Variants in PSD3 observed in about 807,000 individuals in gnomAD.
PSD3 encodes PH and SEC7 domain-containing protein 3.
PSD3 carries 49 observed loss-of-function variants against 105.5 expected under a neutral mutation model. The ratio of observed to expected loss-of-function variants is 0.46; its 90% CI spans 0.37 to 0.59. The LOEUF (loss-of-function observed/expected upper bound fraction) is 0.59. PSD3 is among the 20% of genes least tolerant of loss of function. PSD3 has a pLI of 0.00. For missense variants in PSD3, 1,561 were observed against 1,263.8 expected, an observed-to-expected ratio of 1.24 and a Z score of -3.57; for synonymous variants, 557 against 457.8, an observed-to-expected ratio of 1.22 and a Z score of -2.77.
At chr8:18,778,626 T>C (rs1808315633) in intron 8 of PSD3, among the ~76,000 whole-genome samples, 2 of 149,906 alleles carry the variant, frequency 1.3e-5, no homozygotes, top group African/African-American at 4.9e-5. Flanking sequence ...GTTCTTTCTA[T>C]GTCTAATTTA....
chr8:18,825,920 C>G (rs1033483973), intron 4 of PSD3, among the ~76,000 whole-genome samples: 5 of 152,156 alleles, frequency 3.3e-5, no homozygotes, highest in African/African-American at 1.2e-4. Context: ...GACTGGGCCA[C>G]AGGATATCTA....
At chr8:18,902,064 TG>T (rs1330995080) in intron 2 of PSD3, among the ~76,000 whole-genome samples, 5 of 152,244 alleles carry the variant, frequency 3.3e-5, no homozygotes, top group African/African-American at 1.2e-4. Context: ...TGGAGACTTT[TG>T]AGATTCCTGG....
chr8:18,726,804 C>T (rs919977273), intron 9 of PSD3, among the ~76,000 whole-genome samples: 2 of 152,198 alleles, frequency 1.3e-5, no homozygotes, highest in Non-Finnish European at 2.9e-5. Context: ...AACCACGCTT[C>T]GGGGCTCTAA....
chr8:18,784,827 A>T (rs2129445635), intron 8 of PSD3, among the ~76,000 whole-genome samples: 1 of 152,254 alleles, frequency 6.6e-6, no homozygotes, highest in South Asian at 2.1e-4. Flanking sequence ...AAAGCTCTCC[A>T]AACCCCATAC....
intron 2 of PSD3, among the ~76,000 whole-genome samples, chr8:18,877,555 T>C (rs1169613782): frequency 1.5e-5 from 2 of 130,628 alleles, no homozygotes; most frequent in Non-Finnish European, 3.2e-5. Flanking sequence ...TTTTTTTTTT[T>C]CTTTTTGACA....
rs544312153 is a variant in PSD3, at chr8:18,951,195, G to C, written c.22-15053C>G. Among the ~76,000 whole-genome samples the C allele has an allele frequency of 8.5e-5, 13 of 152,270 alleles. No homozygotes were observed. The South Asian group carries it at 2.1e-3, about 24-fold the overall frequency. On this transcript the variant is annotated intron_variant, in intron 1 of 15. Transcript: ENST00000327040. ...AGGTTGCTTGAGCCCAGGAGTTCAA[G>C]ACCAGCCTGGGCAACATAGTGAGAC...
intron 4 of PSD3, among the ~76,000 whole-genome samples, chr8:18,859,179 C>G (rs554153565): frequency 6.6e-6 from 1 of 151,812 alleles, no homozygotes. Flanking sequence ...TCCCGGGTGA[C>G]CAGGCGTCTT....
At chr8:18,863,199 G>A (rs1816581397) in intron 4 of PSD3, among the ~76,000 whole-genome samples, 1 of 152,208 alleles carries the variant, frequency 6.6e-6, no homozygotes, top group African/African-American at 2.4e-5. Context: ...CAATGGAAAT[G>A]GACAATATCC....
chr8:18,571,417 T>A (rs1802130485), intron 14 of PSD3, among the ~76,000 whole-genome samples: 1 of 152,116 alleles, frequency 6.6e-6, no homozygotes, highest in Non-Finnish European at 1.5e-5. Flanking sequence ...CTGCCTCTCA[T>A]CCTTTAAGCT....
At chr8:18,968,623 T>A (rs1380610912) in intron 1 of PSD3, among the ~76,000 whole-genome samples, 2 of 152,158 alleles carry the variant, frequency 1.3e-5, no homozygotes, top group Non-Finnish European at 2.9e-5. Flanking sequence ...ACGCCTGTAA[T>A]CCCAGCACTT....
chr8:18,935,108 A>G lies in PSD3; in HGVS notation c.130+926T>C, dbSNP rs182867168. Among the ~76,000 whole-genome samples the G allele has an allele frequency of 1.1e-4, 17 of 152,284 alleles. No individual in the cohort carries two copies. The East Asian group carries it at 2.9e-3, about 26-fold the overall frequency. ...ACCAACTTATAAGGTGATTGTGATG[A>G]TTAGCATAGTGCCTCACCACACAGT... On this transcript the variant is annotated intron_variant, in intron 2 of 15. Transcript: ENST00000327040.
intron 2 of PSD3, among the ~76,000 whole-genome samples, chr8:18,924,266 A>G (rs11779965): frequency 0.043 from 6,501 of 152,306 alleles, 182 homozygotes; most frequent in South Asian, 0.064. Context: ...AGGCTGTGGT[A>G]CAGCTAAAAT....
At chr8:18,844,152 A>G (rs1441786723) in intron 4 of PSD3, among the ~76,000 whole-genome samples, 3 of 152,264 alleles carry the variant, frequency 2.0e-5, no homozygotes, top group Non-Finnish European at 4.4e-5. Flanking sequence ...TAAATTACCT[A>G]TAATTATCTA....
intron 1 of PSD3, among the ~76,000 whole-genome samples, chr8:18,995,254 C>T (rs114098510): frequency 1.1e-3 from 171 of 152,228 alleles, no homozygotes; most frequent in African/African-American, 3.9e-3. Context: ...GTGAATGAGA[C>T]CCAGAAGTCT....
intron 4 of PSD3, among the ~76,000 whole-genome samples, chr8:18,838,688 C>G (rs1217057992): frequency 6.6e-6 from 1 of 151,572 alleles, no homozygotes; most frequent in Non-Finnish European, 1.5e-5. Context: ...GTAGTCCCAG[C>G]TACTTCGGGA....
intron 11 of PSD3, among the ~76,000 whole-genome samples, chr8:18,623,982 T>C (rs1276188085): frequency 1.3e-5 from 2 of 152,334 alleles, no homozygotes; most frequent in South Asian, 2.1e-4. Flanking sequence ...CGTGGAACTC[T>C]AGCTCCTTCC....
intron 9 of PSD3, among the ~76,000 whole-genome samples, chr8:18,666,675 T>C (rs562390178): frequency 6.6e-6 from 1 of 150,488 alleles, no homozygotes; most frequent in South Asian, 2.1e-4. Flanking sequence ...CACTCAGCTG[T>C]AGCCTGATTT....
chr8:18,794,802 C>T (rs1464047098), intron 8 of PSD3, among the ~76,000 whole-genome samples: 1 of 34,172 alleles, frequency 2.9e-5, no homozygotes, highest in Non-Finnish European at 8.7e-5. Flanking sequence ...GCTGGTTCCC[C>T]GGGTCCCCTT....
chr8:18,958,628 A>C (rs1411847878), intron 1 of PSD3, among the ~76,000 whole-genome samples: 2 of 152,196 alleles, frequency 1.3e-5, no homozygotes. Flanking sequence ...TTATCCTAAG[A>C]ATGCCAAGCT....
Sources: allele counts gnomAD v4.1 joint callset (sites outside exome capture counted in the v4.1 genomes callset), GRCh38; gene constraint gnomAD v4.1.1; transcripts MANE v1.5; gene names NCBI Gene and HGNC (gene_info 2026-07-23, HGNC 2026-07-21).